The following SLC9A7 variants were observed in gnomAD, a reference collection of about 807,000 sequenced individuals.
SLC9A7 encodes sodium/hydrogen exchanger 7.
In SLC9A7, 19 loss-of-function variants were observed where a neutral mutation model predicts 52.6. That is an observed-to-expected ratio of 0.36 (90% CI 0.25 to 0.53). The LOEUF is 0.53. SLC9A7 is among the 20% of genes least tolerant of loss of function. SLC9A7 has a pLI of 0.91. For synonymous variants in SLC9A7, 226 were observed against 252.1 expected (o/e 0.90, Z 0.98); for missense variants, 455 against 597.9 (o/e 0.76, Z 2.49).
intron 11 of SLC9A7, among the ~76,000 whole-genome samples, chrX:46,645,618 C>CTTT (rs34064206): frequency 1.7e-4 from 13 of 78,049 alleles, no homozygotes; most frequent in African/African-American, 3.7e-4. Context: ...TCCCCACTCC[C>CTTT]TTTTTTTTTT....
intron 1 of SLC9A7, among the ~76,000 whole-genome samples, chrX:46,742,156 T>G (rs2147003118): frequency 9.0e-6 from 1 of 111,635 alleles, no homozygotes; most frequent in East Asian, 2.8e-4. Flanking sequence ...AGCACTAAAC[T>G]CTTACATGTT....
rs755838580 is a variant in SLC9A7, at chrX:46,603,680, T to C, written c.*3272A>G. The C allele has an allele frequency of 9.0e-6, 1 of 110,684 alleles. No homozygotes were observed. Among genetic ancestry groups the C allele is most frequent in the East Asian group, 2.8e-4 (1 of 3,518 alleles). 9.1% of individuals were successfully genotyped at this position (110,684 alleles called of 1,213,427 possible). ...GGTGAAACTCTGTCTCTACTAAAAA[T>C]ATAAAAAAATTAGCTGGGTGTGGTG... On this transcript the variant is annotated 3_prime_UTR_variant, in exon 17 of 17. Coordinates refer to ENST00000616978, the MANE Select transcript of SLC9A7 (RefSeq NM_001257291.2).
At chrX:46,677,509 A>C (rs1047037117) in intron 3 of SLC9A7, among the ~76,000 whole-genome samples, 2 of 112,622 alleles carry the variant, frequency 1.8e-5, no homozygotes, top group African/African-American at 6.4e-5. Flanking sequence ...CTGGAGGAGA[A>C]GCAGTGTGAA....
intron 1 of SLC9A7, among the ~76,000 whole-genome samples, chrX:46,739,787 T>C (rs922295032): frequency 3.6e-5 from 4 of 111,662 alleles, no homozygotes; most frequent in African/African-American, 9.8e-5. Context: ...ACCTTGACTC[T>C]TTACCAGATT....
chrX:46,655,801 G>A (rs1029206242), intron 7 of SLC9A7, among the ~76,000 whole-genome samples: 9 of 112,493 alleles, frequency 8.0e-5, no homozygotes, highest in Admixed American at 1.9e-4. Flanking sequence ...GGGGAGGGGC[G>A]CCCGCCATTG....
chrX:46,607,349 G>T, intron 16 of SLC9A7, 146 bp from the exon 17 acceptor site: 1 of 627,914 alleles, frequency 1.6e-6, no homozygotes, highest in Non-Finnish European at 2.4e-6. Context: ...CGTGGTAACT[G>T]GATGTAAACT....
At chrX:46,612,924 CAAAAAAAAAAAAAAAAAAAAAAAAAAAAA>C (rs57833520) in intron 16 of SLC9A7, among the ~76,000 whole-genome samples, 1 of 32,489 alleles carries the variant, frequency 3.1e-5, no homozygotes, top group Non-Finnish European at 5.2e-5. Flanking sequence ...GACTCCGTCT[CAAAAAAAAAAAAAAAAAAAAAAAAAAAAA>C]AAAAAAAAAA....
At chrX:46,663,796 C>T (rs901671165) in intron 5 of SLC9A7, among the ~76,000 whole-genome samples, 2 of 110,457 alleles carry the variant, frequency 1.8e-5, no homozygotes, top group Admixed American at 9.6e-5. Flanking sequence ...TCCATCTCTA[C>T]TAAAAATACA....
At chrX:46,737,200 A>G (rs1009579255) in intron 1 of SLC9A7, among the ~76,000 whole-genome samples, 1 of 111,491 alleles carries the variant, frequency 9.0e-6, no homozygotes, top group Non-Finnish European at 1.9e-5. Flanking sequence ...TTGTTCTTCT[A>G]CCCCAGCCAA....
rs748316610 is a variant in SLC9A7 at position 46,682,390 on chromosome X, T to A, written c.471A>T (p.Gly157=). ...SGKFFEYTLK[G]EISPGKINSV... ...TGTTGATCTTGCCAGGACTGATTTC[T>A]CCTTTCAGAGTGTATTCGAAGAACT... Residue 157 remains glycine, a synonymous_variant, in exon 2 of 17, where the codon GGA becomes GGT. Transcript: ENST00000616978. The A allele has an allele frequency of 7.4e-6, 9 of 1,210,001 alleles. No homozygotes were observed. The South Asian group carries it at 1.4e-4, about 19-fold the overall frequency.
rs755930388 is a variant in SLC9A7 at position 46,629,237 on chromosome X, G to A, written c.1740+2349C>T. ...AGCCCGTTCACAACACCACATGTGCGGTGCTCTCAGCCCAAGGGGCCCTCT... is the reference window on the plus strand; with the variant it reads ...AGCCCGTTCACAACACCACATGTGCAGTGCTCTCAGCCCAAGGGGCCCTCT... On this transcript the variant is annotated intron_variant, in intron 14 of 16. Coordinates refer to ENST00000616978, the MANE Select transcript of SLC9A7 (RefSeq NM_001257291.2). Among the ~76,000 whole-genome samples, 6 of 111,601 alleles carry A rather than the reference G, an allele frequency of 5.4e-5. No individual in the cohort carries two copies. The South Asian group carries it at 1.5e-3, about 28-fold the overall frequency.
At chrX:46,608,448 G>A (rs1049604350) in intron 16 of SLC9A7, among the ~76,000 whole-genome samples, 13 of 112,172 alleles carry the variant, frequency 1.2e-4, no homozygotes, top group Non-Finnish European at 2.1e-4. Context: ...AGGCAAGCAC[G>A]CAACTCCTCT....
intron 16 of SLC9A7, among the ~76,000 whole-genome samples, chrX:46,608,112 C>T (rs1182331321): frequency 8.9e-6 from 1 of 112,604 alleles, no homozygotes; most frequent in East Asian, 2.8e-4. Context: ...CCTCAGGGCC[C>T]CCGCGCAGTC....
intron 1 of SLC9A7, among the ~76,000 whole-genome samples, chrX:46,711,065 C>G (rs968998141): frequency 2.7e-5 from 3 of 113,032 alleles, no homozygotes; most frequent in Non-Finnish European, 5.6e-5. Context: ...TTTGAGCCAG[C>G]AATGGCATTG....
At chrX:46,740,175 T>C (rs1197632741) in intron 1 of SLC9A7, among the ~76,000 whole-genome samples, 2 of 111,770 alleles carry the variant, frequency 1.8e-5, no homozygotes, top group Non-Finnish European at 3.8e-5. Flanking sequence ...TGTATGTATA[T>C]GGGGATTACA....
At chrX:46,608,372 T>C (rs17336188) in intron 16 of SLC9A7, among the ~76,000 whole-genome samples, 1 of 111,399 alleles carries the variant, frequency 9.0e-6, no homozygotes, top group Admixed American at 9.4e-5. Flanking sequence ...ATTCTCAGTG[T>C]TGTCAACTTC....
chrX:46,727,671 A>G (rs1313972688), intron 1 of SLC9A7, among the ~76,000 whole-genome samples: 2 of 112,325 alleles, frequency 1.8e-5, no homozygotes, highest in Non-Finnish European at 3.8e-5. Flanking sequence ...TTGGGTAACC[A>G]GCATATGACT....
Position 46,734,786 on chromosome X carries a change from C to T in SLC9A7, c.325+23919G>A, listed in dbSNP as rs144617564. Among the ~76,000 whole-genome samples the T allele has an allele frequency of 9.3e-3, 1,036 of 111,141 alleles. 7 individuals carry two copies. The highest frequency in any genetic ancestry group is 0.032 in the African/African-American group (974 of 30,549). On this transcript the variant is annotated intron_variant, in intron 1 of 16. Transcript: ENST00000616978. ...ACAAAATTCACTCAATTTAAGCATA[C>T]GATTCAATGATTTTTAGTAAATTTA... is the stretch of plus-strand genomic sequence containing the variant.
At chrX:46,661,973 C>T (rs1206147777) in intron 7 of SLC9A7, 43 bp downstream of exon 7, 5 of 1,114,525 alleles carry the variant, frequency 4.5e-6, no homozygotes, top group Non-Finnish European at 4.8e-6. Context: ...TGTAATGCCA[C>T]ACACGCATAC....
Sources: gnomAD v4.1 joint callset for allele counts (sites outside exome capture counted in the v4.1 genomes callset) on GRCh38, gnomAD v4.1.1 for gene constraint, MANE v1.5 for transcripts, NCBI Gene and HGNC (gene_info 2026-07-23, HGNC 2026-07-21) for gene names.